TMEM267: variants seen among roughly 807,000 people sequenced by gnomAD.
TMEM267 encodes the protein transmembrane protein 267.
A neutral mutation model predicts 19.3 loss-of-function variants in TMEM267; 20 were observed. The ratio of observed to expected loss-of-function variants is 1.04; its 90% CI spans 0.73 to 1.51. TMEM267 has a LOEUF of 1.51. Ranked by LOEUF, TMEM267 falls within the 40% of genes most tolerant of loss-of-function variation. The probability of loss-of-function intolerance (pLI) is 0.00; values close to 1 mark genes in which losing one functional copy is unlikely to be tolerated. For missense variants in TMEM267, 242 were observed against 261.9 expected, an observed-to-expected ratio of 0.92 and a Z score of 0.52; for synonymous variants, 88 against 90.3, an observed-to-expected ratio of 0.97 and a Z score of 0.15.
intron 2 of TMEM267, among the ~76,000 whole-genome samples, chr5:43,448,434 A>T (rs1319426976): frequency 6.6e-6 from 1 of 152,214 alleles, no homozygotes; most frequent in Admixed American, 6.5e-5. Context: ...AAGTGATAAA[A>T]TAGAACAAAT....
chr5:43,471,320 T>C (rs559232737), intron 1 of TMEM267, among the ~76,000 whole-genome samples: 11 of 152,140 alleles, frequency 7.2e-5, no homozygotes, highest in African/African-American at 2.6e-4. Flanking sequence ...ATTATCCATG[T>C]TCATGGACTG....
chr5:43,447,544 T>C (rs923975801), intron 2 of TMEM267, among the ~76,000 whole-genome samples: 8 of 152,124 alleles, frequency 5.3e-5, no homozygotes, highest in African/African-American at 1.9e-4. Context: ...TAAACAAAAA[T>C]AAAGCTGAGG....
intron 2 of TMEM267, among the ~76,000 whole-genome samples, chr5:43,451,011 G>C (rs1034396332): frequency 1.3e-5 from 2 of 151,236 alleles, no homozygotes; most frequent in Non-Finnish European, 3.0e-5. Flanking sequence ...ATTTTTTTTT[G>C]TATTTTTAGT....
Position 43,482,151 on chromosome 5 carries a change from C to G in TMEM267, c.-75+1671G>C, listed in dbSNP as rs369787829. ...AGCCACGGCGCCTGGCCCCTACTGT[C>G]TACTGTTTTAAGCCTCTAAGTTTTG... On this transcript the variant is annotated intron_variant, in intron 1 of 2. Coordinates refer to ENST00000397080, the MANE Select transcript of TMEM267 (RefSeq NM_022483.5). 1.6e-4 allele frequency among the ~76,000 whole-genome samples: 24 copies of G among 152,302 alleles called. No homozygotes were observed. The East Asian group carries it at 3.3e-3, about 21-fold the overall frequency.
At chr5:43,466,457 C>T (rs533106906) in intron 1 of TMEM267, among the ~76,000 whole-genome samples, 34 of 152,074 alleles carry the variant, frequency 2.2e-4, no homozygotes, top group Non-Finnish European at 3.8e-4. Context: ...CAAACAAACA[C>T]TGAGGGATTA....
chr5:43,459,662 G>T (rs1037556831), intron 1 of TMEM267, among the ~76,000 whole-genome samples: 1 of 152,122 alleles, frequency 6.6e-6, no homozygotes, highest in Non-Finnish European at 1.5e-5. Flanking sequence ...GTTCTATGGG[G>T]TAAGAGGATG....
intron 2 of TMEM267, among the ~76,000 whole-genome samples, chr5:43,449,606 T>C (rs1008394172): frequency 1.3e-5 from 2 of 152,202 alleles, no homozygotes; most frequent in East Asian, 1.9e-4. Flanking sequence ...ACGCAAAAGA[T>C]AAAATAACTT....
intron 1 of TMEM267, chr5:43,479,838 A>T: frequency 4.7e-6 from 2 of 426,928 alleles, no homozygotes; most frequent in Non-Finnish European, 9.2e-6. Flanking sequence ...AATGATTTCC[A>T]GGTACTCTCA....
chr5:43,459,619 C>G (rs937942047), intron 1 of TMEM267, among the ~76,000 whole-genome samples: 4 of 152,220 alleles, frequency 2.6e-5, no homozygotes, highest in African/African-American at 9.6e-5. Context: ...TTAATTAGAA[C>G]TGAAAAGGAT....
upstream of TMEM267, chr5:43,484,216 T>C (rs1179669445): frequency 5.3e-5 from 8 of 152,240 alleles, no homozygotes; most frequent in African/African-American, 1.9e-4. Flanking sequence ...AAGCTGGGGA[T>C]AGAAAAGTGG....
At chr5:43,459,829 G>A (rs1743154793) in intron 1 of TMEM267, among the ~76,000 whole-genome samples, 1 of 152,182 alleles carries the variant, frequency 6.6e-6, no homozygotes, top group Non-Finnish European at 1.5e-5. Context: ...GACTGGTTTT[G>A]TGGAAGACAA....
At chr5:43,475,786 A>C (rs1033197773) in intron 1 of TMEM267, among the ~76,000 whole-genome samples, 1 of 152,198 alleles carries the variant, frequency 6.6e-6, no homozygotes, top group East Asian at 1.9e-4. Flanking sequence ...ATATAATAGC[A>C]ATAATCATAA....
chr5:43,477,050 G>A (rs529215769), intron 1 of TMEM267, among the ~76,000 whole-genome samples: 6 of 150,266 alleles, frequency 4.0e-5, no homozygotes, highest in Admixed American at 6.6e-5. Flanking sequence ...AAAGCCAGGC[G>A]TGGTGGTGTA....
chr5:43,476,713 G>A (rs1338782993), intron 1 of TMEM267, among the ~76,000 whole-genome samples: 2 of 151,656 alleles, frequency 1.3e-5, no homozygotes, highest in Non-Finnish European at 2.9e-5. Flanking sequence ...CATAATGTGA[G>A]TACATAAAGG....
At chr5:43,451,023 G>A (rs549518617) in intron 2 of TMEM267, among the ~76,000 whole-genome samples, 1 of 151,860 alleles carries the variant, frequency 6.6e-6, no homozygotes, top group Non-Finnish European at 1.5e-5. Context: ...ATTTTTAGTA[G>A]AGACGGGATT....
chr5:43,454,821 CA>C (rs963403710), intron 1 of TMEM267, among the ~76,000 whole-genome samples: 8 of 152,124 alleles, frequency 5.3e-5, no homozygotes, highest in African/African-American at 1.9e-4. Context: ...TATAAAAATG[CA>C]ATCATAATTC....
At chr5:43,453,570 C>A in intron 2 of TMEM267, 88 bp downstream of exon 2, 1 of 1,199,446 alleles carries the variant, frequency 8.3e-7, no homozygotes, top group East Asian at 2.5e-5. Flanking sequence ...TAAGACAAAT[C>A]CTCTCTAGTT....
intron 2 of TMEM267, among the ~76,000 whole-genome samples, chr5:43,448,793 CA>C (rs1561183517): frequency 1.7e-4 from 25 of 150,348 alleles, no homozygotes; most frequent in African/African-American, 5.9e-4. Context: ...AACCCCCCCC[CA>C]CAAAAAAAAC....
chr5:43,466,528 A>G (rs992312745), intron 1 of TMEM267, among the ~76,000 whole-genome samples: 5 of 152,228 alleles, frequency 3.3e-5, no homozygotes, highest in African/African-American at 1.2e-4. Flanking sequence ...CAGAAAGGAA[A>G]GGATGTTAAT....
Sources: allele counts gnomAD v4.1 joint callset (sites outside exome capture counted in the v4.1 genomes callset), GRCh38; gene constraint gnomAD v4.1.1; transcripts MANE v1.5; gene names NCBI Gene and HGNC (gene_info 2026-07-23, HGNC 2026-07-21).